IQGAP1: variants seen among roughly 807,000 people sequenced by gnomAD.
IQGAP1 encodes the protein ras GTPase-activating-like protein IQGAP1.
In IQGAP1, 66 loss-of-function variants were observed where a neutral mutation model predicts 215.6. That is an observed-to-expected ratio of 0.31 (90% CI 0.25 to 0.38). IQGAP1 has a LOEUF of 0.38. Among genes scored for constraint, IQGAP1 ranks in the 10% least tolerant of loss-of-function variants. IQGAP1 has a pLI of 1.00. For missense variants in IQGAP1, 1,712 were observed against 1,997.1 expected (o/e 0.86, Z 2.72); for synonymous variants, 772 against 728.7 (o/e 1.06, Z -0.96).
At chr15:90,445,547 T>C (rs143901785) in intron 9 of IQGAP1, among the ~76,000 whole-genome samples, 36 of 152,326 alleles carry the variant, frequency 2.4e-4, no homozygotes, top group African/African-American at 8.4e-4. Context: ...TCTGACATCT[T>C]TGTAAACTCC....
chr15:90,435,718 A>G (rs1158688829), intron 5 of IQGAP1, among the ~76,000 whole-genome samples: 6 of 152,208 alleles, frequency 3.9e-5, no homozygotes, highest in East Asian at 3.8e-4. Context: ...AGCCTAAAGA[A>G]TTAACTATGC....
chr15:90,494,093 T>C (rs567796379), intron 35 of IQGAP1: 1 of 152,390 alleles, frequency 6.6e-6, no homozygotes, highest in South Asian at 2.1e-4. Flanking sequence ...TCTCCATTGA[T>C]GGACATTTAA....
Position 90,432,025 on chromosome 15 carries a change from C to T in IQGAP1, c.391-1694C>T, listed in dbSNP as rs77332372. On this transcript the variant is annotated intron_variant, in intron 4 of 37. Transcript: ENST00000268182. ...CTACCTTCCATGTCCTAGTGATGGA[C>T]ATACTTTAAGATGCAATCCTTGTTA... Among the ~76,000 whole-genome samples, 1,311 of 152,242 alleles carry T rather than the reference C, an allele frequency of 8.6e-3. 38 individuals carry two copies. The East Asian group carries it at 0.11, about 12-fold the overall frequency.
chr15:90,466,493 G>GCCCCC, intron 17 of IQGAP1, 57 bp downstream of exon 17: 2 of 1,187,806 alleles, frequency 1.7e-6, no homozygotes, highest in Non-Finnish European at 2.5e-6. Flanking sequence ...TATATGAGGG[G>GCCCCC]ACAGATGTAG....
Position 90,456,222 on chromosome 15 carries a change from A to G in IQGAP1, c.1683A>G (p.Leu561=), listed in dbSNP as rs150525622. ...EGDAQKTLQA[L]QIPAAKLEGV... is the part of the protein sequence containing the mutation. ...ATGCCCAAAAGACTCTGCAGGCCCTACAGATTCCTGCAGCTAAACTTGAGG... is the reference window on the plus strand; with the variant it reads ...ATGCCCAAAAGACTCTGCAGGCCCTGCAGATTCCTGCAGCTAAACTTGAGG... The change falls in exon 15 of 38, where the codon CTA becomes CTG. Residue 561 remains leucine (L), a synonymous_variant. Coordinates refer to ENST00000268182, the MANE Select transcript of IQGAP1 (RefSeq NM_003870.4). 207 of 1,613,808 alleles carry G rather than the reference A, an allele frequency of 1.3e-4. No homozygotes were observed. Among genetic ancestry groups the G allele is most frequent in the Non-Finnish European group, 1.7e-4 (200 of 1,179,798 alleles).
intron 11 of IQGAP1, among the ~76,000 whole-genome samples, chr15:90,452,308 G>T (rs936448212): frequency 6.6e-6 from 1 of 152,214 alleles, no homozygotes; most frequent in Non-Finnish European, 1.5e-5. Flanking sequence ...GGAAAAAGGA[G>T]GTGGGAGCGG....
chr15:90,469,440 T>C (rs1180364043), intron 18 of IQGAP1, among the ~76,000 whole-genome samples: 2 of 152,248 alleles, frequency 1.3e-5, no homozygotes, highest in Non-Finnish European at 2.9e-5. Flanking sequence ...TCTCTTTATA[T>C]GGTGGGTTAC....
rs1215101328 is a variant in IQGAP1, at chr15:90,454,467, T to A, written c.1527T>A (p.His509Gln). Residue 509 changes from histidine (H) to glutamine (Q), a missense_variant, in exon 14 of 38, where the codon CAT becomes CAA. This residue lies in a region of IQGAP1 where 1,021 missense variants were observed against 1,074.2 expected (regional missense o/e 0.95). Transcript: ENST00000268182. Reference protein sequence around the residue: ...DELMKLKAQAHAENNEFITWN... With the variant: ...DELMKLKAQAQAENNEFITWN... ...TGATGAAACTGAAGGCTCAGGCACA[T>A]GCAGAGAATAATGAATTCATTACAT... 2 of 1,612,956 alleles carry A rather than the reference T, an allele frequency of 1.2e-6. No homozygotes were observed. Among genetic ancestry groups the A allele is most frequent in the African/African-American group, 2.7e-5 (2 of 74,854 alleles).
At chr15:90,441,125 A>G (rs1026025021) in intron 7 of IQGAP1, among the ~76,000 whole-genome samples, 2 of 152,080 alleles carry the variant, frequency 1.3e-5, no homozygotes, top group African/African-American at 4.8e-5. Flanking sequence ...AAAAGAAAAA[A>G]AAAGAAAGGA....
In IQGAP1 at chr15:90,486,871, G is replaced by A. The variant is rs1316057759; in HGVS notation, c.4025-83G>A. 3 of 1,362,540 alleles carry A rather than the reference G, an allele frequency of 2.2e-6. No homozygotes were observed. The East Asian group carries it at 6.9e-5, about 31-fold the overall frequency. The allele number at this position is 1,362,540 out of a possible 1,614,324, so 84.4% of individuals were successfully genotyped here. A position where few individuals can be genotyped will look rare whatever the true frequency, so the allele number is the denominator to read the frequency against. On this transcript the variant is annotated intron_variant, in intron 31 of 37. Transcript: ENST00000268182. ...GTGATTCAAGTATTATCTTAGACTTGCATCATCTTATATTTGTATTATTTC... is the reference window on the plus strand; with the variant it reads ...GTGATTCAAGTATTATCTTAGACTTACATCATCTTATATTTGTATTATTTC...
intron 15 of IQGAP1, among the ~76,000 whole-genome samples, chr15:90,464,598 C>G (rs1719025416): frequency 6.6e-6 from 1 of 152,060 alleles, no homozygotes; most frequent in Non-Finnish European, 1.5e-5. Context: ...CACCTGTAAT[C>G]CCAGCACTAT....
intron 15 of IQGAP1, among the ~76,000 whole-genome samples, chr15:90,457,517 C>T (rs1965701523): frequency 1.3e-5 from 2 of 151,858 alleles, no homozygotes; most frequent in Non-Finnish European, 2.9e-5. Flanking sequence ...ACTTCTGCCT[C>T]CCAGGTTCAA....
intron 1 of IQGAP1, among the ~76,000 whole-genome samples, chr15:90,389,662 G>A (rs1964606387): frequency 6.6e-6 from 1 of 151,850 alleles, no homozygotes; most frequent in African/African-American, 2.4e-5. Context: ...TGTGTAGAAA[G>A]TTTGACAGGT....
In IQGAP1 at chr15:90,474,419, A is replaced by G. The variant is rs2301830; in HGVS notation, c.2576-66A>G. On this transcript the variant is annotated intron_variant, in intron 22 of 37. Coordinates refer to ENST00000268182, the MANE Select transcript of IQGAP1 (RefSeq NM_003870.4). ...ATGAATAGACTACTTTTTCAAGACA[A>G]TGCTATTTCCTGAGACGTAGTACTT... is the stretch of plus-strand genomic sequence containing the variant. 9.8e-3 allele frequency: 12,212 copies of G among 1,243,424 alleles called. 469 individuals carry two copies. The East Asian group carries it at 0.12, about 13-fold the overall frequency. 77.0% of individuals were successfully genotyped at this position (1,243,424 alleles called of 1,614,324 possible). A position where few individuals can be genotyped will look rare whatever the true frequency, so the allele number is the denominator to read the frequency against.
chr15:90,407,843 C>T (rs1045948138), intron 2 of IQGAP1, among the ~76,000 whole-genome samples: 2 of 152,058 alleles, frequency 1.3e-5, no homozygotes, highest in Non-Finnish European at 2.9e-5. Context: ...GAAGAAGATG[C>T]GAAAGTATAA....
At chr15:90,441,073 C>T (rs1965442358) in intron 7 of IQGAP1, among the ~76,000 whole-genome samples, 2 of 151,450 alleles carry the variant, frequency 1.3e-5, no homozygotes, top group Non-Finnish European at 2.9e-5. Flanking sequence ...TGCCATTGCA[C>T]TCCAGACTGG....
chr15:90,391,084 A>G lies in IQGAP1; in HGVS notation c.155+211A>G. 6.8e-6 allele frequency: 3 copies of G among 440,152 alleles called. No homozygotes were observed. In the South Asian group the frequency reaches 6.9e-5, roughly 10 times the overall value. 27.3% of individuals were successfully genotyped at this position (440,152 alleles called of 1,614,324 possible). A position where few individuals can be genotyped will look rare whatever the true frequency, so the allele number is the denominator to read the frequency against. On this transcript the variant is annotated intron_variant, in intron 2 of 37. Transcript: ENST00000268182. The stretch of plus-strand genomic sequence containing the variant: ...CACCCCATCTCTACAAAAAAATTTT[A>G]AAAATTAGCCAGGCATGGTGGTGCA...
chr15:90,391,949 T>C (rs2589942), intron 2 of IQGAP1: 29,587 of 152,170 alleles, frequency 0.19, 3,524 homozygotes, highest in East Asian at 0.45. Context: ...TGTGTGTATG[T>C]GTGTATTTTA....
rs532703592 is a variant in IQGAP1, at chr15:90,398,080, T to G, written c.155+7207T>G. ...TGTATTTTTTAGTGGAGACGGGGGT[T>G]TCACCATGTTGGCCAGGCTGGTCTC... On this transcript the variant is annotated intron_variant, in intron 2 of 37. Coordinates refer to ENST00000268182, the MANE Select transcript of IQGAP1 (RefSeq NM_003870.4). Among the ~76,000 whole-genome samples, 4 of 151,640 alleles carry G rather than the reference T, an allele frequency of 2.6e-5. No individual in the cohort carries two copies. The East Asian group carries it at 5.9e-4, about 22-fold the overall frequency.
Sources: allele counts gnomAD v4.1 joint callset (sites outside exome capture counted in the v4.1 genomes callset), GRCh38; gene constraint gnomAD v4.1.1; regional missense constraint gnomAD v4.1.1; transcripts MANE v1.5; gene names NCBI Gene and HGNC (gene_info 2026-07-23, HGNC 2026-07-21).